SLIT3: variants seen among roughly 807,000 people sequenced by gnomAD.
The protein encoded by SLIT3 is slit guidance ligand 3, also known as slit homolog 3 protein.
Under a neutral mutation model 184.0 loss-of-function variants are expected in SLIT3, and 68 were observed. The observed-to-expected ratio is 0.37, with a 90% CI of 0.30 to 0.45. The LOEUF (loss-of-function observed/expected upper bound fraction) is 0.45, where lower values mean the gene tolerates loss of function less well. Ranked by LOEUF, SLIT3 falls within the 20% of genes least tolerant of loss-of-function variation. The pLI, the probability that SLIT3 is intolerant of heterozygous loss-of-function variation, is 1.00. For synonymous variants in SLIT3, 831 were observed against 828.6 expected (o/e 1.00, Z -0.05); for missense variants, 1,707 against 2,026.0 (o/e 0.84, Z 3.02).
intron 4 of SLIT3, among the ~76,000 whole-genome samples, chr5:168,996,226 G>A (rs1394024937): frequency 1.3e-5 from 2 of 152,170 alleles, no homozygotes; most frequent in South Asian, 2.1e-4. Context: ...GAGGCATTAA[G>A]TCTGCAAGCA....
At chr5:168,951,076 C>T (rs1411396156) in intron 4 of SLIT3, among the ~76,000 whole-genome samples, 2 of 152,076 alleles carry the variant, frequency 1.3e-5, no homozygotes, top group African/African-American at 2.4e-5. Context: ...GAAAATTAGC[C>T]AGGCATGGTG....
At chr5:169,263,665 T>G (rs1333871667) in intron 1 of SLIT3, 1 of 511,872 alleles carries the variant, frequency 2.0e-6, no homozygotes, top group Non-Finnish European at 4.0e-6. Context: ...CGTATCTGTG[T>G]GCTAGGGCTG....
In SLIT3 at chr5:168,874,262, C is replaced by A. The variant is rs116915029; in HGVS notation, c.485+9003G>T. Among the ~76,000 whole-genome samples the A allele has an allele frequency of 3.9e-5, 6 of 152,294 alleles. No individual in the cohort carries two copies. In the East Asian group the frequency reaches 9.7e-4, roughly 25 times the overall value. ...AGTCTCCATTATCCTGAAAAAACAT[C>A]AGTGCTTCTCTGGGCTCCTTCTTGT... On this transcript the variant is annotated intron_variant, in intron 5 of 35. Coordinates refer to ENST00000519560, the MANE Select transcript of SLIT3 (RefSeq NM_003062.4).
chr5:168,708,685 T>C (rs1762451885), intron 25 of SLIT3: 1 of 156,254 alleles, frequency 6.4e-6, no homozygotes, highest in Admixed American at 6.1e-5. Flanking sequence ...GCCGTGTGCT[T>C]GCTTTAGCTG....
chr5:168,804,367 AAG>A (rs1226383076), intron 9 of SLIT3, among the ~76,000 whole-genome samples: 2 of 151,416 alleles, frequency 1.3e-5, no homozygotes, highest in East Asian at 1.9e-4. Flanking sequence ...GCAAAAAGGA[AAG>A]AGAGCAAGGA....
intron 1 of SLIT3, among the ~76,000 whole-genome samples, chr5:169,282,956 C>T (rs1313112467): frequency 2.0e-5 from 3 of 152,160 alleles, no homozygotes; most frequent in African/African-American, 4.8e-5. Context: ...GGGATTGGCC[C>T]GGGCATCAGT....
At chr5:169,112,699 C>T (rs1760456244) in intron 4 of SLIT3, among the ~76,000 whole-genome samples, 1 of 152,122 alleles carries the variant, frequency 6.6e-6, no homozygotes, top group Non-Finnish European at 1.5e-5. Context: ...ACCAGCTTCC[C>T]TTGGCTGCTG....
intron 8 of SLIT3, among the ~76,000 whole-genome samples, chr5:168,809,945 C>T (rs187851385): frequency 2.7e-4 from 41 of 152,284 alleles, no homozygotes; most frequent in Admixed American, 2.3e-3. Flanking sequence ...ACTCTGTCTG[C>T]AGCTCTCTTC....
intron 4 of SLIT3, among the ~76,000 whole-genome samples, chr5:168,972,336 C>CATGTGT: frequency 2.5e-5 from 1 of 39,780 alleles, no homozygotes; most frequent in South Asian, 7.4e-4. Context: ...TGCAGGACAA[C>CATGTGT]ATGTGTGTGT....
chr5:169,030,042 AC>A (rs1003174493), intron 4 of SLIT3, among the ~76,000 whole-genome samples: 1 of 151,968 alleles, frequency 6.6e-6, no homozygotes, highest in African/African-American at 2.4e-5. Context: ...GCTACCCACC[AC>A]CTTGGCTGGG....
chr5:168,893,125 T>C (rs1760529810), intron 4 of SLIT3, among the ~76,000 whole-genome samples: 1 of 152,226 alleles, frequency 6.6e-6, no homozygotes, highest in South Asian at 2.1e-4. Flanking sequence ...TGTAAAGATC[T>C]AATTGAGTAC....
chr5:169,194,733 C>T (rs1471514575), intron 3 of SLIT3, among the ~76,000 whole-genome samples: 1 of 152,122 alleles, frequency 6.6e-6, no homozygotes, highest in East Asian at 1.9e-4. Flanking sequence ...GCAAAATCTG[C>T]CCAGTAGGGA....
In SLIT3 at chr5:168,667,392, C is replaced by G. The variant is rs191905904; in HGVS notation, c.4337-703G>C. 4.5e-4 allele frequency among the ~76,000 whole-genome samples: 69 copies of G among 152,318 alleles called. 2 individuals carry two copies. The East Asian group carries it at 0.01, about 23-fold the overall frequency. On this transcript the variant is annotated intron_variant, in intron 35 of 35. Coordinates refer to ENST00000519560, the MANE Select transcript of SLIT3 (RefSeq NM_003062.4). ...CTATAAGACATTTGTATTCAAAAGG[C>G]ATTTGACCTGGCCCAGGGGCCAGGG... is the stretch of plus-strand genomic sequence containing the variant.
At chr5:169,268,683 G>T (rs932656816) in intron 1 of SLIT3, among the ~76,000 whole-genome samples, 2 of 152,112 alleles carry the variant, frequency 1.3e-5, no homozygotes, top group South Asian at 2.1e-4. Context: ...GTGTGTTTTG[G>T]GCAAACCACC....
rs1284772936 is a variant in SLIT3 at position 169,300,887 on chromosome 5, G to A, written c.-178C>T. ...GCGGGCGGAGCGGGGCGCTCCGGGC[G>A]GCGGCGGCGGCAGCAACAGCAGCTC... On this transcript the variant is annotated 5_prime_UTR_variant, in exon 1 of 36. Coordinates refer to ENST00000519560, the MANE Select transcript of SLIT3 (RefSeq NM_003062.4). The surrounding 1 kb of genome is among the most constrained non-coding windows in gnomAD (Gnocchi z 4.1). 5.2e-6 allele frequency: 2 copies of A among 381,056 alleles called. No homozygotes were observed. Among genetic ancestry groups the A allele is most frequent in the South Asian group, 2.3e-4 (2 of 8,708 alleles). The allele number at this position is 381,056 out of a possible 1,614,324, so 23.6% of individuals were successfully genotyped here. A position where few individuals can be genotyped will look rare whatever the true frequency, so the allele number is the denominator to read the frequency against.
chr5:169,233,705 T>C (rs927141617), intron 3 of SLIT3, among the ~76,000 whole-genome samples: 1 of 152,250 alleles, frequency 6.6e-6, no homozygotes, highest in Non-Finnish European at 1.5e-5. Context: ...TAATCCATCA[T>C]TTAAATAATG....
chr5:169,141,707 C>A (rs1238714687), intron 4 of SLIT3, among the ~76,000 whole-genome samples: 2 of 150,386 alleles, frequency 1.3e-5, no homozygotes, highest in Non-Finnish European at 3.0e-5. Flanking sequence ...CCATTGCACT[C>A]CAGCCTGGGT....
chr5:168,838,503 A>G (rs958661608), intron 6 of SLIT3, among the ~76,000 whole-genome samples: 3 of 152,334 alleles, frequency 2.0e-5, no homozygotes, highest in African/African-American at 7.2e-5. Flanking sequence ...ACTATATATT[A>G]TCGTTACGTC....
At chr5:169,080,238 C>T (rs1456754701) in intron 4 of SLIT3, among the ~76,000 whole-genome samples, 1 of 152,104 alleles carries the variant, frequency 6.6e-6, no homozygotes, top group Non-Finnish European at 1.5e-5. Context: ...AAAGTCAGGG[C>T]CTAGTCAAAA....
Sources: allele counts gnomAD v4.1 joint callset (sites outside exome capture counted in the v4.1 genomes callset), GRCh38; gene constraint gnomAD v4.1.1; non-coding constraint Gnocchi (gnomAD v3.1); transcripts MANE v1.5; gene names NCBI Gene and HGNC (gene_info 2026-07-23, HGNC 2026-07-21).